The following OSBPL7 variants were observed in gnomAD, a reference collection of about 807,000 sequenced individuals.
The protein encoded by OSBPL7 is oxysterol-binding protein-related protein 7.
In OSBPL7, 66 loss-of-function variants were observed where a neutral mutation model predicts 115.8. The observed-to-expected ratio is 0.57, with a 90% CI of 0.47 to 0.70. The LOEUF (loss-of-function observed/expected upper bound fraction) is 0.70. Among genes scored for constraint, OSBPL7 ranks in the 30% least tolerant of loss-of-function variants. The probability of loss-of-function intolerance (pLI) is 0.00; values close to 1 mark genes in which losing one functional copy is unlikely to be tolerated. For synonymous variants in OSBPL7, 441 were observed against 439.2 expected, an observed-to-expected ratio of 1.00 and a Z score of -0.05; for missense variants, 902 against 1,125.5, an observed-to-expected ratio of 0.80 and a Z score of 2.84.
chr17:47,820,161 G>T, intron 2 of OSBPL7, 43 bp downstream of exon 2: 8 of 1,613,798 alleles, frequency 5.0e-6, no homozygotes, highest in Non-Finnish European at 6.8e-6. Context: ...TCCCTGTCTG[G>T]TTCCAGCTTG....
chr17:47,815,884 C>T (rs772671865), intron 12 of OSBPL7: 17 of 492,954 alleles, frequency 3.4e-5, no homozygotes, highest in Non-Finnish European at 5.8e-5. Context: ...GTGAGAATCA[C>T]TGCATCAGAG....
chr17:47,812,598 C>A (rs1027494106), intron 16 of OSBPL7, among the ~76,000 whole-genome samples: 1 of 152,254 alleles, frequency 6.6e-6, no homozygotes, highest in African/African-American at 2.4e-5. Context: ...TCCCCATCCC[C>A]TACACGGGAG....
intron 13 of OSBPL7, 42 bp downstream of exon 13, chr17:47,815,173 C>A (rs2033172190): frequency 1.9e-6 from 3 of 1,582,056 alleles, no homozygotes; most frequent in Non-Finnish European, 2.6e-6. Flanking sequence ...TTCCCAAGGT[C>A]CCCCCTACCC....
intron 16 of OSBPL7, among the ~76,000 whole-genome samples, chr17:47,812,633 T>C (rs1012671905): frequency 6.6e-6 from 1 of 152,224 alleles, no homozygotes; most frequent in Non-Finnish European, 1.5e-5. Flanking sequence ...GACCAGCCCC[T>C]GTCCGGGGCA....
At chr17:47,818,890 C>T in intron 5 of OSBPL7, 96 bp downstream of exon 5, 2 of 1,116,786 alleles carry the variant, frequency 1.8e-6, no homozygotes, top group Non-Finnish European at 2.7e-6. Flanking sequence ...AGAGACAGAC[C>T]CTGAGTTCCA....
chr17:47,815,310 G>A lies in OSBPL7; in HGVS notation c.1162C>T (p.Leu388=). 1 of 1,613,988 alleles carries A rather than the reference G, an allele frequency of 6.2e-7. No homozygotes were observed. The highest frequency in any genetic ancestry group is 8.5e-7 in the Non-Finnish European group (1 of 1,179,986). ...AGGGACAGGATGCTGGTCTGCGATAGCTGGGGGGTGAGCTCGCGCCCCTTC... is the reference window on the plus strand; with the variant it reads ...AGGGACAGGATGCTGGTCTGCGATAACTGGGGGGTGAGCTCGCGCCCCTTC... ...YMKGRELTPQ[L]SQTSILSLAD... The change falls in exon 13 of 23, where the codon CTA becomes TTA. Residue 388 remains leucine, a synonymous_variant. Coordinates refer to ENST00000007414, the MANE Select transcript of OSBPL7 (RefSeq NM_145798.3).
In OSBPL7 at chr17:47,813,631, G is replaced by C; in HGVS notation, c.1555C>G (p.Leu519Val). The C allele has an allele frequency of 1.2e-6, 2 of 1,612,972 alleles. No individual in the cohort carries two copies. Among genetic ancestry groups the C allele is most frequent in the Non-Finnish European group, 1.7e-6 (2 of 1,179,966 alleles). ...GCGATGCGGCTGGCCTGGTCCAGGA[G>C]GCTGCTGTACTCCAGCTCCTCGCAG... The part of the protein sequence containing the change: ...RLCEELEYSS[L>V]LDQASRIADP... Residue 519 changes from leucine (L) to valine (V), a missense_variant, in exon 15 of 23, where the codon CTC (leucine) becomes GTC (valine). Coordinates refer to ENST00000007414, the MANE Select transcript of OSBPL7 (RefSeq NM_145798.3).
In OSBPL7 at chr17:47,820,274, TCCATGGAGAAGGGAGAGG is replaced by T. The variant is rs1426622439; in HGVS notation, c.-14_4del. The T allele has an allele frequency of 9.3e-6, 15 of 1,613,212 alleles. No homozygotes were observed. Among genetic ancestry groups the T allele is most frequent in the Non-Finnish European group, 1.3e-5 (15 of 1,179,712 alleles). Reference sequence around the variant, plus strand: ...GAAGGGCGGGTCCCTCTCTTGGAAGTCCATGGAGAAGGGAGAGGCCACTCCCTGCTGGGGATGTAGAGC... The same window carrying T: ...GAAGGGCGGGTCCCTCTCTTGGAAGTCCACTCCCTGCTGGGGATGTAGAGC... On this transcript the variant is annotated start_lost and 5_prime_UTR_variant, in exon 2 of 23. Coordinates refer to ENST00000007414, the MANE Select transcript of OSBPL7 (RefSeq NM_145798.3).
Position 47,808,443 on chromosome 17 carries a change from G to A in OSBPL7, c.2421-44C>T. 1 of 1,613,756 alleles carries A rather than the reference G, an allele frequency of 6.2e-7. No homozygotes were observed. The highest frequency in any genetic ancestry group is 8.5e-7 in the Non-Finnish European group (1 of 1,179,666). ...GGCAGTGAGGGGTGAACATCTAGAA[G>A]GCAGGCTAGGGTCCTAAGGTGCTGC... is the stretch of plus-strand genomic sequence containing the variant. On this transcript the variant is annotated intron_variant, in intron 22 of 22. Coordinates refer to ENST00000007414, the MANE Select transcript of OSBPL7 (RefSeq NM_145798.3). This position sits in a 1 kb window ranked among gnomAD's most constrained non-coding sequence, Gnocchi z 6.1.
intron 18 of OSBPL7, among the ~76,000 whole-genome samples, chr17:47,809,792 C>T (rs566028900): frequency 1.9e-4 from 29 of 152,336 alleles, no homozygotes; most frequent in African/African-American, 5.8e-4. Context: ...CTGCTTAATC[C>T]TCACCTCTCT....
rs775872044 is a variant in OSBPL7 at position 47,813,424 on chromosome 17, G to A, written c.1600-21C>T. The stretch of plus-strand genomic sequence containing the variant: ...TACACCTGTGGGGGGCAAGGAAGGT[G>A]CAGGGTACTGAGGACGGGGCCGCCA... On this transcript the variant is annotated intron_variant, in intron 15 of 22. Transcript: ENST00000007414. The A allele has an allele frequency of 1.5e-5, 24 of 1,613,460 alleles. No homozygotes were observed. In the South Asian group the frequency reaches 2.1e-4, roughly 14 times the overall value.
Position 47,815,296 on chromosome 17 carries a change from G to A in OSBPL7, c.1176C>T (p.Ser392=). 1.2e-6 allele frequency: 2 copies of A among 1,614,038 alleles called. No homozygotes were observed. Among genetic ancestry groups the A allele is most frequent in the East Asian group, 2.2e-5 (1 of 44,880 alleles). ...TGTGGGAATCAGCAAGGGACAGGAT[G>A]CTGGTCTGCGATAGCTGGGGGGTGA... The part of the protein sequence containing the change: ...RELTPQLSQT[S]ILSLADSHTE... Residue 392 remains serine (S), a synonymous_variant, in exon 13 of 23, where the codon AGC becomes AGT. Coordinates refer to ENST00000007414, the MANE Select transcript of OSBPL7 (RefSeq NM_145798.3).
intron 4 of OSBPL7, chr17:47,819,314 C>T (rs906336122): frequency 6.9e-6 from 4 of 578,172 alleles, no homozygotes; most frequent in African/African-American, 5.6e-5. Context: ...TAAGAAGTCA[C>T]AGATCAAGAA....
rs754244117 is a variant in OSBPL7, at chr17:47,808,548, G to A, written c.2410C>T (p.Arg804Cys). The A allele has an allele frequency of 6.2e-7, 1 of 1,614,198 alleles. No homozygotes were observed. ...GCGAGGCCGAGGCACCTGAAGAAGC[G>A]AGCCTGGTGTACGATGTTGTTTTCC... Reference protein sequence around the residue: ...MEENNIVHQARFFRRQTDSSG... With the variant: ...MEENNIVHQACFFRRQTDSSG... The change falls in exon 22 of 23, where the codon CGC (arginine) becomes TGC (cysteine). Residue 804 changes from arginine (R) to cysteine (C), a missense_variant. Coordinates refer to ENST00000007414, the MANE Select transcript of OSBPL7 (RefSeq NM_145798.3). The surrounding 1 kb of genome is among the most constrained non-coding windows in gnomAD (Gnocchi z 6.1).
In OSBPL7 at chr17:47,817,328, T is replaced by A; in HGVS notation, c.630A>T (p.Glu210Asp). 6.2e-7 allele frequency: 1 copy of A among 1,604,296 alleles called. No homozygotes were observed. Among genetic ancestry groups the A allele is most frequent in the Non-Finnish European group, 8.5e-7 (1 of 1,177,526 alleles). ...ELSECQGKLQ[E>D]LHRLLQSLES... The stretch of plus-strand genomic sequence containing the variant: ...CCAGGCTCTGGAGGAGCCTGTGTAG[T>A]TCCTGGAGCTTCCCCTGACACTCAG... The change falls in exon 8 of 23, where the codon GAA becomes GAT. Residue 210 changes from glutamate (E) to aspartate (D), a missense_variant. By Grantham distance (45) the Glu-to-Asp change is conservative. This residue lies in a region of OSBPL7 where 667 missense variants were observed against 788.7 expected (regional missense o/e 0.85). Transcript: ENST00000007414.
At chr17:47,817,639 C>T (rs1232522826) in intron 7 of OSBPL7, among the ~76,000 whole-genome samples, 1 of 152,146 alleles carries the variant, frequency 6.6e-6, no homozygotes, top group African/African-American at 2.4e-5. Flanking sequence ...GATCTGCCCA[C>T]CTTGGTTTCC....
At position 47,809,102 on chromosome 17, in the gene OSBPL7, G is replaced by A. The variant is rs143564256; in HGVS notation, c.2144C>T (p.Pro715Leu). The change falls in exon 20 of 23, where the codon CCA becomes CTA. Residue 715 changes from proline to leucine, a missense_variant. Coordinates refer to ENST00000007414, the MANE Select transcript of OSBPL7 (RefSeq NM_145798.3). ...GGGTTTCCAGATGCACTGGCCACCT[G>A]GCGTGGGTCCCCGGTACAGCCCCTC... The part of the protein sequence containing the change: ...WHEGLYRGPT[P>L]GGQCIWKPNS... 6.2e-7 allele frequency: 1 copy of A among 1,614,118 alleles called. No homozygotes were observed. Among genetic ancestry groups the A allele is most frequent in the Non-Finnish European group, 8.5e-7 (1 of 1,180,038 alleles).
At chr17:47,814,650 G>T in intron 13 of OSBPL7, 36 bp from the exon 14 acceptor site, 2 of 1,596,820 alleles carry the variant, frequency 1.3e-6, no homozygotes, top group Non-Finnish European at 1.7e-6. Flanking sequence ...GGCAGACTGG[G>T]CCTCCCCCGG....
chr17:47,816,386 A>G lies in OSBPL7; in HGVS notation c.1023+2T>C. The G allele has an allele frequency of 6.7e-7, 1 of 1,502,618 alleles. No individual in the cohort carries two copies. Among genetic ancestry groups the G allele is most frequent in the Non-Finnish European group, 8.9e-7 (1 of 1,122,842 alleles). The allele number at this position is 1,502,618 out of a possible 1,614,324, so 93.1% of individuals were successfully genotyped here. A position where few individuals can be genotyped will look rare whatever the true frequency, so the allele number is the denominator to read the frequency against. ...CCAGTCACCCTGTCCCCCAGGCCTC[A>G]CCCCCATTCTTGACAACTCTGAGCC... On this transcript the variant is annotated splice_donor_variant, in intron 11 of 22. Transcript: ENST00000007414. LOFTEE classifies it high-confidence loss of function. This position sits in a 1 kb window ranked among gnomAD's most constrained non-coding sequence, Gnocchi z 5.8.
Sources: gnomAD v4.1 joint callset for allele counts (sites outside exome capture counted in the v4.1 genomes callset) on GRCh38, gnomAD v4.1.1 for gene constraint, gnomAD v4.1.1 regional missense constraint, Gnocchi (gnomAD v3.1) non-coding constraint, MANE v1.5 for transcripts, NCBI Gene and HGNC (gene_info 2026-07-23, HGNC 2026-07-21) for gene names.